CADM2: variants seen among roughly 807,000 people sequenced by gnomAD.
CADM2 encodes the protein cell adhesion molecule 2.
A neutral mutation model predicts 49.8 loss-of-function variants in CADM2; 12 were observed. That is an observed-to-expected ratio of 0.24 (90% confidence interval 0.15 to 0.39). The LOEUF (loss-of-function observed/expected upper bound fraction) is 0.39. CADM2 is among the 10% of genes least tolerant of loss of function. CADM2 has a pLI of 1.00. For missense variants in CADM2, 378 were observed against 492.3 expected (o/e 0.77, Z 2.20); for synonymous variants, 214 against 175.4 (o/e 1.22, Z -1.74).
intron 1 of CADM2, among the ~76,000 whole-genome samples, chr3:85,257,408 GT>G (rs1405781885): frequency 6.6e-6 from 1 of 152,026 alleles, no homozygotes; most frequent in Non-Finnish European, 1.5e-5. Context: ...CTGGAATGGT[GT>G]TGATTAATAC....
chr3:85,914,407 G>T (rs1345760501), intron 6 of CADM2, among the ~76,000 whole-genome samples: 1 of 152,014 alleles, frequency 6.6e-6, no homozygotes, highest in African/African-American at 2.4e-5. Flanking sequence ...AATGTCAATT[G>T]TCTTCCTTTT....
intron 3 of CADM2, among the ~76,000 whole-genome samples, chr3:85,845,960 T>C (rs937909633): frequency 1.1e-4 from 16 of 152,122 alleles, no homozygotes; most frequent in African/African-American, 3.9e-4. Context: ...TTAATGACTA[T>C]AGAGCTGGGG....
chr3:85,443,650 A>T (rs2037310906), intron 1 of CADM2, among the ~76,000 whole-genome samples: 1 of 152,104 alleles, frequency 6.6e-6, no homozygotes. Flanking sequence ...TACACAACTG[A>T]TTAACAACCT....
chr3:85,043,919 T>C (rs1339403215), intron 1 of CADM2, among the ~76,000 whole-genome samples: 2 of 152,084 alleles, frequency 1.3e-5, no homozygotes, highest in Non-Finnish European at 2.9e-5. Context: ...GAAAAAAAGC[T>C]CCTATCATAA....
Position 86,012,504 on chromosome 3 carries a change from G to A in CADM2, c.970+50857G>A, listed in dbSNP as rs370379610. The A allele has an allele frequency of 1.1e-5, 12 of 1,130,982 alleles. No individual in the cohort carries two copies. In the East Asian group the frequency reaches 1.6e-4, roughly 15 times the overall value. 70.1% of individuals were successfully genotyped at this position (1,130,982 alleles called of 1,614,324 possible). ...TCCTCCGTGACCCGGACCAGCGGGC[G>A]GACTGCCCTGAGGAGGCCGGGAGCG... On this transcript the variant is annotated intron_variant, in intron 8 of 9. Coordinates refer to ENST00000383699, the MANE Select transcript of CADM2 (RefSeq NM_001167675.2).
intron 1 of CADM2, among the ~76,000 whole-genome samples, chr3:85,232,414 C>A (rs1262318957): frequency 6.6e-6 from 1 of 151,858 alleles, no homozygotes; most frequent in Non-Finnish European, 1.5e-5. Context: ...TTATTTGTTC[C>A]TGGCTAATCA....
At chr3:85,398,429 A>C (rs1400547438) in intron 1 of CADM2, among the ~76,000 whole-genome samples, 2 of 152,066 alleles carry the variant, frequency 1.3e-5, no homozygotes, top group African/African-American at 4.8e-5. Flanking sequence ...GGTTGGTTCC[A>C]AGTCTTTGTT....
chr3:85,900,050 T>C (rs1715899708), intron 5 of CADM2, among the ~76,000 whole-genome samples: 1 of 152,162 alleles, frequency 6.6e-6, no homozygotes, highest in African/African-American at 2.4e-5. Context: ...GCATGGGTTC[T>C]CCTCCATGCA....
At chr3:85,867,242 T>C (rs1577513953) in intron 3 of CADM2, among the ~76,000 whole-genome samples, 2 of 152,076 alleles carry the variant, frequency 1.3e-5, no homozygotes, top group Admixed American at 6.5e-5. Flanking sequence ...TAGTTTGAGA[T>C]AGAAGATAAA....
intron 1 of CADM2, among the ~76,000 whole-genome samples, chr3:85,686,893 A>C (rs2066233850): frequency 6.6e-6 from 1 of 152,194 alleles, no homozygotes; most frequent in African/African-American, 2.4e-5. Context: ...TTTCAGACAG[A>C]ACCAATGTTC....
At chr3:85,541,206 C>T (rs1479267303) in intron 1 of CADM2, among the ~76,000 whole-genome samples, 2 of 150,796 alleles carry the variant, frequency 1.3e-5, no homozygotes, top group Non-Finnish European at 3.0e-5. Context: ...CAATTTGGCA[C>T]ATATATACAT....
At chr3:85,033,570 C>A (rs958969101) in intron 1 of CADM2, among the ~76,000 whole-genome samples, 1 of 151,842 alleles carries the variant, frequency 6.6e-6, no homozygotes. Context: ...TTTCCTGATG[C>A]GGTTATATTG....
At chr3:85,500,045 T>G (rs575519601) in intron 1 of CADM2, among the ~76,000 whole-genome samples, 27 of 152,322 alleles carry the variant, frequency 1.8e-4, no homozygotes, top group Non-Finnish European at 3.1e-4. Flanking sequence ...AACTTTTAAT[T>G]TATTACTCAG....
intron 1 of CADM2, among the ~76,000 whole-genome samples, chr3:85,482,633 A>G (rs2107630147): frequency 6.6e-6 from 1 of 151,828 alleles, no homozygotes; most frequent in East Asian, 1.9e-4. Flanking sequence ...ATTTTAAAAG[A>G]AAATTTAGTG....
intron 1 of CADM2, among the ~76,000 whole-genome samples, chr3:85,302,521 G>A (rs182899506): frequency 3.3e-5 from 5 of 151,926 alleles, no homozygotes; most frequent in African/African-American, 4.8e-5. Context: ...ACTTTTAATC[G>A]TTGAAATGTC....
chr3:85,426,414 G>A (rs976726342), intron 1 of CADM2, among the ~76,000 whole-genome samples: 4 of 152,108 alleles, frequency 2.6e-5, no homozygotes, highest in African/African-American at 9.7e-5. Context: ...TTACAGGCAT[G>A]AGGCACTGAG....
chr3:85,093,033 T>C (rs924356631), intron 1 of CADM2, among the ~76,000 whole-genome samples: 4 of 152,206 alleles, frequency 2.6e-5, no homozygotes, highest in African/African-American at 7.2e-5. Flanking sequence ...TTCCCCTTTC[T>C]TTCCCTAACA....
intron 1 of CADM2, among the ~76,000 whole-genome samples, chr3:85,429,107 TG>T (rs2107516867): frequency 6.6e-6 from 1 of 152,204 alleles, no homozygotes; most frequent in South Asian, 2.1e-4. Flanking sequence ...TGTTTCATTC[TG>T]CTATGGAAGC....
chr3:85,156,098 G>C (rs2040109635), intron 1 of CADM2, among the ~76,000 whole-genome samples: 1 of 152,038 alleles, frequency 6.6e-6, no homozygotes, highest in Non-Finnish European at 1.5e-5. Flanking sequence ...TCAAAAGCTA[G>C]CAGAAGGCAA....
Sources: allele counts gnomAD v4.1 joint callset (sites outside exome capture counted in the v4.1 genomes callset), GRCh38; gene constraint gnomAD v4.1.1; transcripts MANE v1.5; gene names NCBI Gene and HGNC (gene_info 2026-07-23, HGNC 2026-07-21).